Variants in GPM6A observed in about 807,000 individuals in gnomAD.
GPM6A encodes glycoprotein M6A.
In GPM6A, 7 loss-of-function variants were observed where a neutral mutation model predicts 32.1. That is an observed-to-expected ratio of 0.22 (90% CI 0.12 to 0.41). GPM6A has a LOEUF of 0.41. Among genes scored for constraint, GPM6A ranks in the 10% least tolerant of loss-of-function variants. The probability of loss-of-function intolerance (pLI) is 1.00; values close to 1 mark genes in which losing one functional copy is unlikely to be tolerated. For synonymous variants in GPM6A, 130 were observed against 123.4 expected, an observed-to-expected ratio of 1.05 and a Z score of -0.35; for missense variants, 235 against 347.2, an observed-to-expected ratio of 0.68 and a Z score of 2.57.
intron 1 of GPM6A, among the ~76,000 whole-genome samples, chr4:175,804,970 G>T: frequency 6.6e-6 from 1 of 152,084 alleles, no homozygotes; most frequent in South Asian, 2.1e-4. Flanking sequence ...GCGTGAACCT[G>T]GGAGGTCGAG....
At chr4:175,980,138 T>C (rs1018560995) in intron 1 of GPM6A, among the ~76,000 whole-genome samples, 1 of 152,140 alleles carries the variant, frequency 6.6e-6, no homozygotes, top group Admixed American at 6.5e-5. Context: ...GGCAGGTGGA[T>C]TACTTGAGCC....
At chr4:175,688,805 T>C (rs73020158) in intron 2 of GPM6A, among the ~76,000 whole-genome samples, 109 of 152,290 alleles carry the variant, frequency 7.2e-4, no homozygotes, top group African/African-American at 2.4e-3. Context: ...TACATACATA[T>C]ATACATACAT....
intron 1 of GPM6A, among the ~76,000 whole-genome samples, chr4:175,933,072 GAAAT>G (rs767816012): frequency 2.6e-5 from 4 of 150,978 alleles, no homozygotes; most frequent in Non-Finnish European, 5.9e-5. Flanking sequence ...TTTATATAAA[GAAAT>G]AAATAAGAGT....
chr4:175,637,715 TTA>T (rs1258685401), intron 6 of GPM6A, among the ~76,000 whole-genome samples: 17 of 64,898 alleles, frequency 2.6e-4, no homozygotes, highest in South Asian at 8.6e-4. Flanking sequence ...TTATATATAT[TTA>T]TATATAATAT....
chr4:175,686,096 T>C (rs1266681379), intron 2 of GPM6A, among the ~76,000 whole-genome samples: 1 of 152,218 alleles, frequency 6.6e-6, no homozygotes, highest in Non-Finnish European at 1.5e-5. Context: ...CCAGTAAAAC[T>C]ACACAGGCAG....
intron 3 of GPM6A, among the ~76,000 whole-genome samples, chr4:175,666,739 G>A (rs1742775715): frequency 6.6e-6 from 1 of 152,156 alleles, no homozygotes; most frequent in South Asian, 2.1e-4. Context: ...TCCTTGTCGA[G>A]TGTCACCTGA....
chr4:175,874,301 A>C (rs1737011224), intron 1 of GPM6A, among the ~76,000 whole-genome samples: 1 of 152,216 alleles, frequency 6.6e-6, no homozygotes. Context: ...GAAATACAGA[A>C]AACAAGAAGT....
chr4:175,653,391 T>G (rs2110923941), intron 3 of GPM6A, among the ~76,000 whole-genome samples: 1 of 152,272 alleles, frequency 6.6e-6, no homozygotes, highest in African/African-American at 2.4e-5. Flanking sequence ...TTATCTCATC[T>G]CAACTCTTAC....
At chr4:175,872,233 C>A (rs540070653) in intron 1 of GPM6A, among the ~76,000 whole-genome samples, 1 of 152,302 alleles carries the variant, frequency 6.6e-6, no homozygotes, top group East Asian at 1.9e-4. Flanking sequence ...GTTCTACACA[C>A]CTCTGCAAGC....
At chr4:175,925,854 T>TC (rs1235027292) in intron 1 of GPM6A, among the ~76,000 whole-genome samples, 3 of 142,602 alleles carry the variant, frequency 2.1e-5, no homozygotes, top group African/African-American at 9.0e-5. Context: ...TCTTTTCTTT[T>TC]TTTTTTTTTT....
At chr4:175,684,890 T>C (rs1445899653) in intron 2 of GPM6A, among the ~76,000 whole-genome samples, 1 of 152,054 alleles carries the variant, frequency 6.6e-6, no homozygotes, top group Non-Finnish European at 1.5e-5. Flanking sequence ...TGTTTTGTTT[T>C]ATTATTATTT....
intron 1 of GPM6A, among the ~76,000 whole-genome samples, chr4:175,925,397 CTG>C (rs1738802257): frequency 6.6e-6 from 1 of 151,986 alleles, no homozygotes; most frequent in African/African-American, 2.4e-5. Flanking sequence ...TTAAATAATC[CTG>C]TGTCATAAAT....
At chr4:175,963,529 A>T (rs1243004985) in intron 1 of GPM6A, among the ~76,000 whole-genome samples, 2 of 152,022 alleles carry the variant, frequency 1.3e-5, no homozygotes, top group African/African-American at 4.8e-5. Context: ...AAAAGGAAAA[A>T]CCCACCCACC....
At chr4:175,646,939 C>G (rs1210324381) in intron 4 of GPM6A, among the ~76,000 whole-genome samples, 3 of 152,168 alleles carry the variant, frequency 2.0e-5, no homozygotes. Flanking sequence ...CCATCCACCT[C>G]GGCTGCAGTG....
chr4:175,732,686 A>T (rs773080815), intron 1 of GPM6A, among the ~76,000 whole-genome samples: 12 of 152,184 alleles, frequency 7.9e-5, no homozygotes, highest in Non-Finnish European at 1.8e-4. Context: ...TAATACCATA[A>T]CTTAAGGCTA....
intron 3 of GPM6A, among the ~76,000 whole-genome samples, chr4:175,668,048 C>T (rs1302652878): frequency 6.6e-6 from 1 of 152,102 alleles, no homozygotes; most frequent in African/African-American, 2.4e-5. Context: ...AAACTAGATG[C>T]TTTACACAGT....
chr4:175,821,981 G>A (rs984445473), intron 1 of GPM6A, among the ~76,000 whole-genome samples: 1 of 151,976 alleles, frequency 6.6e-6, no homozygotes, highest in Non-Finnish European at 1.5e-5. Flanking sequence ...ATTGAGCAGT[G>A]ATTTTAAAAG....
chr4:175,762,430 G>A (rs960242072), intron 1 of GPM6A, among the ~76,000 whole-genome samples: 11 of 151,930 alleles, frequency 7.2e-5, no homozygotes, highest in Admixed American at 2.6e-4. Context: ...TTCACAATAC[G>A]TCAAATATTG....
chr4:175,914,990 T>C (rs1289519698), intron 1 of GPM6A, among the ~76,000 whole-genome samples: 1 of 152,204 alleles, frequency 6.6e-6, no homozygotes, highest in Non-Finnish European at 1.5e-5. Flanking sequence ...TTAATTAATA[T>C]TGATTTTAAA....
Sources: allele counts gnomAD v4.1 joint callset (sites outside exome capture counted in the v4.1 genomes callset), GRCh38; gene constraint gnomAD v4.1.1; transcripts MANE v1.5; gene names NCBI Gene and HGNC (gene_info 2026-07-23, HGNC 2026-07-21).